The following XKR3 variants were observed in gnomAD, a reference collection of about 807,000 sequenced individuals.
XKR3 encodes the protein XK-related protein 3.
Under a neutral mutation model 40.3 loss-of-function variants are expected in XKR3, and 27 were observed. The ratio of observed to expected loss-of-function variants is 0.67; its 90% CI spans 0.49 to 0.92. XKR3 has a LOEUF of 0.92. Among genes scored for constraint, XKR3 ranks in the 40% least tolerant of loss-of-function variants. XKR3 has a pLI of 0.00. For missense variants in XKR3, 472 were observed against 537.6 expected, an observed-to-expected ratio of 0.88 and a Z score of 1.21; for synonymous variants, 193 against 195.4, an observed-to-expected ratio of 0.99 and a Z score of 0.10.
At chr22:16,823,140 G>A (rs1447190191) in intron 1 of XKR3, among the ~76,000 whole-genome samples, 1 of 152,178 alleles carries the variant, frequency 6.6e-6, no homozygotes. Context: ...GCCTTCCAGT[G>A]TTGGGATTAC....
chr22:16,811,259 C>A (rs1180543099), intron 1 of XKR3, among the ~76,000 whole-genome samples: 2 of 151,976 alleles, frequency 1.3e-5, no homozygotes, highest in Admixed American at 1.3e-4. Context: ...GTAGCTGGGA[C>A]CACAGGTGCC....
rs2060237031 is a variant in XKR3 at position 16,817,150 on chromosome 22, A to T, written c.-11+8141T>A. Among the ~76,000 whole-genome samples, 6 of 149,708 alleles carry T rather than the reference A, an allele frequency of 4.0e-5. No individual in the cohort carries two copies. The East Asian group carries it at 1.3e-3, about 32-fold the overall frequency. ...TGTTTGACTTTTTACTATATGGTTC[A>T]TTTTTCAATGAGATATAATTCTCTA... is the stretch of plus-strand genomic sequence containing the variant. On this transcript the variant is annotated intron_variant, in intron 1 of 3. Coordinates refer to ENST00000684488, the MANE Select transcript of XKR3 (RefSeq NM_001386955.1).
At chr22:16,791,804 AGAGAGAGAAAG>A (rs2060119648) in intron 3 of XKR3, among the ~76,000 whole-genome samples, 19 of 50,256 alleles carry the variant, frequency 3.8e-4, no homozygotes, top group African/African-American at 4.9e-4. Flanking sequence ...AGAGAGAGAG[AGAGAGAGAAAG>A]AGAGAGAGAG....
At chr22:16,803,091 T>TAC (rs1555897096) in intron 2 of XKR3, among the ~76,000 whole-genome samples, 27 of 151,870 alleles carry the variant, frequency 1.8e-4, no homozygotes, top group South Asian at 1.7e-3. Flanking sequence ...TATATATATA[T>TAC]ACACACACAA....
chr22:16,783,766 T>C lies in XKR3; in HGVS notation c.1233A>G (p.Gly411=), dbSNP rs1320844082. Residue 411 remains glycine (G), a synonymous_variant, in exon 4 of 4, where the codon GGA becomes GGG. Coordinates refer to ENST00000684488, the MANE Select transcript of XKR3 (RefSeq NM_001386955.1). ...GTGCTTCTGGCTGATTTTCAGTACG[T>C]CCTGGCAACACTTTGCCTGACTGCC... is the stretch of plus-strand genomic sequence containing the variant. ...YPWQSGKVLP[G]RTENQPEAPY... is the part of the protein sequence containing the mutation. 1.9e-6 allele frequency: 3 copies of C among 1,614,088 alleles called. No homozygotes were observed. In the African/African-American group the frequency reaches 4.0e-5, roughly 22 times the overall value.
At chr22:16,813,270 G>C (rs1159907028) in intron 1 of XKR3, among the ~76,000 whole-genome samples, 1 of 151,480 alleles carries the variant, frequency 6.6e-6, no homozygotes, top group Non-Finnish European at 1.5e-5. Flanking sequence ...GGCGGCAGAG[G>C]AAGACTCTGG....
At chr22:16,798,302 A>C (rs539011468) in intron 3 of XKR3, among the ~76,000 whole-genome samples, 1 of 152,190 alleles carries the variant, frequency 6.6e-6, no homozygotes, top group Non-Finnish European at 1.5e-5. Context: ...GCTACTATTA[A>C]AATGTCAGAA....
At position 16,784,195 on chromosome 22, in the gene XKR3, CAA is replaced by C; in HGVS notation, c.802_803del (p.Leu268ValfsTer29). 6.2e-7 allele frequency: 1 copy of C among 1,614,196 alleles called. No homozygotes were observed. The highest frequency in any genetic ancestry group is 8.5e-7 in the Non-Finnish European group (1 of 1,180,042). ...ASLKLKSLPV[L>X]LIIYFVSLLA... ...ACAATGATACAAAATATATGATTAA[CAA>C]AACGGGTAGGCTCTTCAGTTTCAGA... On this transcript the variant is annotated frameshift_variant, in exon 4 of 4. Transcript: ENST00000684488. LOFTEE classifies it high-confidence loss of function.
At chr22:16,815,244 AT>A (rs1276523423) in intron 1 of XKR3, among the ~76,000 whole-genome samples, 1 of 152,080 alleles carries the variant, frequency 6.6e-6, no homozygotes, top group Non-Finnish European at 1.5e-5. Context: ...TTGTATCAGC[AT>A]TGCATAGCTG....
intron 1 of XKR3, among the ~76,000 whole-genome samples, chr22:16,824,675 T>A (rs1190303407): frequency 6.6e-6 from 1 of 152,116 alleles, no homozygotes; most frequent in African/African-American, 2.4e-5. Context: ...TATATCCCAC[T>A]CTCTCCCCAG....
In XKR3 at chr22:16,793,430, G is replaced by T. The variant is rs369234128; in HGVS notation, c.589+6341C>A. On this transcript the variant is annotated intron_variant, in intron 3 of 3. Coordinates refer to ENST00000684488, the MANE Select transcript of XKR3 (RefSeq NM_001386955.1). Reference sequence around the variant, plus strand: ...AAGGCTGCATTTTAAATAATTTTGCGTAATTCCAGTACACGGGTTAAGAGA... The same window carrying T: ...AAGGCTGCATTTTAAATAATTTTGCTTAATTCCAGTACACGGGTTAAGAGA... Among the ~76,000 whole-genome samples, 1,038 of 152,326 alleles carry T rather than the reference G, an allele frequency of 6.8e-3. 6 individuals carry two copies. Among genetic ancestry groups the T allele is most frequent in the South Asian group, 0.013 (63 of 4,824 alleles).
chr22:16,818,624 G>A (rs2060243295), intron 1 of XKR3, among the ~76,000 whole-genome samples: 1 of 152,072 alleles, frequency 6.6e-6, no homozygotes, highest in Non-Finnish European at 1.5e-5. Context: ...TTTCTCTGCA[G>A]CCATGTACAG....
At chr22:16,802,875 C>CT (rs367835073) in intron 2 of XKR3, among the ~76,000 whole-genome samples, 7 of 152,238 alleles carry the variant, frequency 4.6e-5, no homozygotes, top group Non-Finnish European at 8.8e-5. Context: ...TCATCCTTTT[C>CT]TTTTTATTTT....
chr22:16,814,234 A>G (rs956773172), intron 1 of XKR3, among the ~76,000 whole-genome samples: 1 of 152,186 alleles, frequency 6.6e-6, no homozygotes, highest in Non-Finnish European at 1.5e-5. Context: ...TTCCAACTTC[A>G]CATGAATATC....
At chr22:16,818,088 G>A (rs982451253) in intron 1 of XKR3, among the ~76,000 whole-genome samples, 4 of 151,940 alleles carry the variant, frequency 2.6e-5, no homozygotes, top group African/African-American at 9.7e-5. Flanking sequence ...ACTTCTTCGA[G>A]ATTAATTTTG....
At chr22:16,795,798 C>G (rs1257944765) in intron 3 of XKR3, among the ~76,000 whole-genome samples, 1 of 152,038 alleles carries the variant, frequency 6.6e-6, no homozygotes, top group Non-Finnish European at 1.5e-5. Flanking sequence ...AAAACCCTGT[C>G]TCTACTAAAA....
In XKR3 at chr22:16,783,611, T is replaced by C; in HGVS notation, c.*8A>G. ...ACTCATTGTTCTGTGAAAGTATATA[T>C]GTATATTTTATGAACATGTCATACT... On this transcript the variant is annotated 3_prime_UTR_variant, in exon 4 of 4. Coordinates refer to ENST00000684488, the MANE Select transcript of XKR3 (RefSeq NM_001386955.1). 1.3e-6 allele frequency: 2 copies of C among 1,556,056 alleles called. No individual in the cohort carries two copies. The highest frequency in any genetic ancestry group is 1.7e-6 in the Non-Finnish European group (2 of 1,154,234).
intron 3 of XKR3, among the ~76,000 whole-genome samples, chr22:16,786,184 T>C (rs1403915388): frequency 6.6e-6 from 1 of 151,766 alleles, no homozygotes; most frequent in Non-Finnish European, 1.5e-5. Context: ...CTGAGGTGAA[T>C]GGATCACTAG....
intron 3 of XKR3, 93 bp downstream of exon 3, chr22:16,799,678 T>C: frequency 6.5e-6 from 9 of 1,394,662 alleles, no homozygotes; most frequent in Non-Finnish European, 8.6e-6. Flanking sequence ...CAACTGTAAT[T>C]TGGGATTACA....
Sources: gnomAD v4.1 joint callset for allele counts (sites outside exome capture counted in the v4.1 genomes callset) on GRCh38, gnomAD v4.1.1 for gene constraint, MANE v1.5 for transcripts, NCBI Gene and HGNC (gene_info 2026-07-23, HGNC 2026-07-21) for gene names.